PLCH2: variants seen among roughly 807,000 people sequenced by gnomAD.
PLCH2 encodes the protein phospholipase C eta 2, also known as 1-phosphatidylinositol 4,5-bisphosphate phosphodiesterase eta-2.
Under a neutral mutation model 134.7 loss-of-function variants are expected in PLCH2, and 98 were observed. That is an observed-to-expected ratio of 0.73 (90% CI 0.62 to 0.86). PLCH2 has a LOEUF of 0.86. Ranked by LOEUF, PLCH2 falls within the 40% of genes least tolerant of loss-of-function variation. PLCH2 has a pLI of 0.00. For synonymous variants in PLCH2, 974 were observed against 827.5 expected, an observed-to-expected ratio of 1.18 and a Z score of -3.04; for missense variants, 1,994 against 1,986.6, an observed-to-expected ratio of 1.00 and a Z score of -0.07.
intron 12 of PLCH2, 91 bp from the exon 13 acceptor site, chr1:2,495,397 C>T (rs1009726057): frequency 1.3e-4 from 142 of 1,108,730 alleles, no homozygotes; most frequent in Admixed American, 4.2e-4. Flanking sequence ...CTGGGGACCC[C>T]GGAGGATAGG....
chr1:2,503,755 T>G (rs1205311547), intron 21 of PLCH2, 167 bp from the exon 22 acceptor site: 2 of 616,116 alleles, frequency 3.2e-6, no homozygotes, highest in Non-Finnish European at 5.9e-6. Context: ...ACACCGAGTG[T>G]GCCGCGCCCG....
chr1:2,441,503 A>G (rs1639691853), intron 2 of PLCH2, among the ~76,000 whole-genome samples: 1 of 152,010 alleles, frequency 6.6e-6, no homozygotes, highest in African/African-American at 2.4e-5. Flanking sequence ...CTGAGCATCG[A>G]CTGGCACGTC....
rs903469277 is a variant in PLCH2 at position 2,499,045 on chromosome 1, C to T, written c.2435-39C>T. On this transcript the variant is annotated intron_variant, in intron 18 of 21. Transcript: ENST00000378486. ...AGGCTGGAGCGGTGCTGGGCCGGGC[C>T]CTCCCCATGGGACACTCCTCCTGGC... 3.1e-6 allele frequency: 5 copies of T among 1,590,040 alleles called. No homozygotes were observed. The South Asian group carries it at 4.6e-5, about 15-fold the overall frequency.
rs1570394559 is a variant in PLCH2, at chr1:2,476,377, A to G, written c.-212A>G. The G allele has an allele frequency of 2.1e-6, 1 of 468,964 alleles. No individual in the cohort carries two copies. The highest frequency in any genetic ancestry group is 3.4e-5 in the East Asian group (1 of 29,232). The allele number at this position is 468,964 out of a possible 1,614,324, so 29.1% of individuals were successfully genotyped here. A position where few individuals can be genotyped will look rare whatever the true frequency, so the allele number is the denominator to read the frequency against. On this transcript the variant is annotated 5_prime_UTR_variant, in exon 1 of 22. Transcript: ENST00000378486. ...TGGATAGGCTGGCCTGGGGGCCATC[A>G]GGACAGCAGGTGACGGTCAGGCCAA...
At position 2,479,737 on chromosome 1, in the gene PLCH2, C is replaced by G; in HGVS notation, c.275C>G (p.Ser92Cys). 1 of 1,539,492 alleles carries G rather than the reference C, an allele frequency of 6.5e-7. No homozygotes were observed. The highest frequency in any genetic ancestry group is 8.8e-7 in the Non-Finnish European group (1 of 1,138,134). The change falls in exon 3 of 22, where the codon TCC (serine) becomes TGC (cysteine). Residue 92 changes from serine (S) to cysteine (C), a missense_variant. Physicochemically the swap from Ser to Cys is moderately radical, Grantham distance 112. This residue lies in a region of PLCH2 where 1,094 missense variants were observed against 1,234.3 expected (regional missense o/e 0.89). Transcript: ENST00000378486. ...GTGCTCCCTCCCCACCCCGCAGTCT[C>G]CATCGACTCCATCCAGGAGGTGAGT... ...PSRKNEKAKI[S>C]IDSIQEVSEG...
chr1:2,467,792 G>A (rs1641138728), intron 1 of PLCH2: 2 of 398,014 alleles, frequency 5.0e-6, no homozygotes, highest in Non-Finnish European at 8.9e-6. Context: ...CCCCCCGTGG[G>A]CAGTGCAGAG....
chr1:2,419,009 G>T, the PLCH2 span, among the ~76,000 whole-genome samples: 20 of 152,326 alleles, frequency 1.3e-4, no homozygotes, highest in African/African-American at 4.8e-4. Context: ...CATCCTCGGG[G>T]TCTGTGCCCG....
In PLCH2 at chr1:2,496,630, TG is replaced by T. The variant is rs1439775626; in HGVS notation, c.1860del (p.Met620IlefsTer11). ...AGGGCGACCCGGCAGAAGAAGACCA[TG>T]AAGCTGTCCCGGGCCCTCTCTGACC... ...SRGATRQKKT[M>X]KLSRALSDLV... On this transcript the variant is annotated frameshift_variant, in exon 14 of 22. Transcript: ENST00000378486. LOFTEE classifies it high-confidence loss of function. The T allele has an allele frequency of 6.2e-7, 1 of 1,611,876 alleles. No individual in the cohort carries two copies. The highest frequency in any genetic ancestry group is 8.5e-7 in the Non-Finnish European group (1 of 1,179,410).
chr1:2,485,302 G>T (rs2100675297), intron 5 of PLCH2, among the ~76,000 whole-genome samples: 1 of 152,360 alleles, frequency 6.6e-6, no homozygotes, highest in Admixed American at 6.5e-5. Flanking sequence ...GCAGGGACTG[G>T]GTACCGCATG....
upstream of PLCH2, among the ~76,000 whole-genome samples, chr1:2,465,412 C>T (rs917413588): frequency 3.8e-4 from 58 of 152,262 alleles, 1 homozygote; most frequent in African/African-American, 1.3e-3. Flanking sequence ...GTCTGGTCCT[C>T]CCAGCTGTGC....
upstream of PLCH2, among the ~76,000 whole-genome samples, chr1:2,466,465 G>T (rs1396631592): frequency 6.6e-6 from 1 of 152,194 alleles, no homozygotes; most frequent in Non-Finnish European, 1.5e-5. Flanking sequence ...GACTGCAGCT[G>T]CTGGTGGCTC....
upstream of PLCH2, among the ~76,000 whole-genome samples, chr1:2,464,387 A>C (rs926535084): frequency 6.6e-6 from 1 of 152,222 alleles, no homozygotes; most frequent in Non-Finnish European, 1.5e-5. Context: ...AGGCTGGTGC[A>C]TGGAGTGCTT....
At chr1:2,496,169 C>T (rs568036861) in intron 13 of PLCH2, among the ~76,000 whole-genome samples, 1 of 152,322 alleles carries the variant, frequency 6.6e-6, no homozygotes, top group East Asian at 1.9e-4. Context: ...TCCCGTCCCA[C>T]GTGCCAGCCG....
intron 2 of PLCH2, among the ~76,000 whole-genome samples, chr1:2,443,828 C>T (rs1244409829): frequency 2.0e-5 from 3 of 148,710 alleles, no homozygotes; most frequent in East Asian, 2.0e-4. Flanking sequence ...GGGGCGATGC[C>T]GCGGGAGCCG....
chr1:2,500,061 C>A, intron 20 of PLCH2: 1 of 407,402 alleles, frequency 2.5e-6, no homozygotes, highest in South Asian at 3.4e-5. Context: ...CATCTGGCTT[C>A]TCAGCAGGGA....
chr1:2,505,203 T>C lies in PLCH2; in HGVS notation c.4241T>C (p.Leu1414Pro). The C allele has an allele frequency of 6.4e-7, 1 of 1,569,950 alleles. No individual in the cohort carries two copies. Among genetic ancestry groups the C allele is most frequent in the South Asian group, 1.2e-5 (1 of 86,778 alleles). ...ASAAAENLVL[L>P]RL ...GCGGCTGCTGAAAACCTGGTCCTGC[T>C]CCGCCTCTGACCGTCAGTGGTGGGA... The change falls in exon 22 of 22, where the codon CTC becomes CCC. Residue 1414 changes from leucine to proline, a missense_variant. Leu to Pro is a moderately conservative substitution (Grantham distance 98). Coordinates refer to ENST00000378486, the MANE Select transcript of PLCH2 (RefSeq NM_014638.4).
intron 2 of PLCH2, among the ~76,000 whole-genome samples, chr1:2,455,256 T>C (rs1640434919): frequency 6.6e-6 from 1 of 152,204 alleles, no homozygotes; most frequent in Non-Finnish European, 1.5e-5. Flanking sequence ...GGACGTTGGC[T>C]GCGTGATGGC....
In PLCH2 at chr1:2,497,014, G is replaced by T. The variant is rs371971573; in HGVS notation, c.2116+4G>T. ...TGGAACGCCGGCTGCCAAATGGGTGGGTGCGGGCATGGTGCGCTGGGTGTG... is the reference window on the plus strand; with the variant it reads ...TGGAACGCCGGCTGCCAAATGGGTGTGTGCGGGCATGGTGCGCTGGGTGTG... On this transcript the variant is annotated splice_donor_region_variant and intron_variant, in intron 15 of 21. Coordinates refer to ENST00000378486, the MANE Select transcript of PLCH2 (RefSeq NM_014638.4). 1.2e-5 allele frequency: 20 copies of T among 1,611,784 alleles called. No homozygotes were observed. The African/African-American group carries it at 2.3e-4, about 18-fold the overall frequency.
chr1:2,446,740 TGGGCTGGCAGAGGGGTTG>T (rs966278398), intron 2 of PLCH2, among the ~76,000 whole-genome samples: 21 of 151,932 alleles, frequency 1.4e-4, no homozygotes, highest in South Asian at 1.2e-3. Context: ...GCAGAGGGGT[TGGGCTGGCAGAGGGGTTG>T]GGGCTGGCAG....
Sources: gnomAD v4.1 joint callset for allele counts (sites outside exome capture counted in the v4.1 genomes callset) on GRCh38, gnomAD v4.1.1 for gene constraint, gnomAD v4.1.1 regional missense constraint, MANE v1.5 for transcripts, NCBI Gene and HGNC (gene_info 2026-07-23, HGNC 2026-07-21) for gene names.